The following OGG1 variants were observed in gnomAD, a reference collection of about 807,000 sequenced individuals.
OGG1 encodes 8-oxoguanine DNA glycosylase.
A neutral mutation model predicts 42.3 loss-of-function variants in OGG1; 35 were observed. The observed-to-expected ratio is 0.83, with a 90% CI of 0.63 to 1.10. The LOEUF is 1.10. Ranked by LOEUF, OGG1 falls within the 50% of genes least tolerant of loss-of-function variation. The probability of loss-of-function intolerance (pLI) is 0.00; values close to 1 mark genes in which losing one functional copy is unlikely to be tolerated. For missense variants in OGG1, 484 were observed against 446.7 expected (o/e 1.08, Z -0.75); for synonymous variants, 189 against 179.0 (o/e 1.06, Z -0.44).
At chr3:9,761,140 T>G, downstream of OGG1, 1 of 336,806 alleles carries the variant, frequency 3.0e-6, no homozygotes. Flanking sequence ...TTCTCCACAG[T>G]ATTTATTTTT....
chr3:9,761,118 C>T, downstream of OGG1: 1 of 342,340 alleles, frequency 2.9e-6, no homozygotes. Flanking sequence ...TCTCCCTATT[C>T]CTGCTTGGTT....
At chr3:9,762,530 C>A (rs2077932105) in intron 7 of OGG1, among the ~76,000 whole-genome samples, 1 of 152,154 alleles carries the variant, frequency 6.6e-6, no homozygotes, top group Admixed American at 6.5e-5. Context: ...GCATCTGCCA[C>A]CACGCCGGGC....
chr3:9,789,952 G>A (rs748378547), downstream of OGG1: 1 of 1,596,096 alleles, frequency 6.3e-7, no homozygotes. Context: ...TATCCTGCCA[G>A]TCGGTGAGGA....
chr3:9,752,467 C>G (rs1025084692), intron 3 of OGG1, among the ~76,000 whole-genome samples: 2 of 148,612 alleles, frequency 1.3e-5, no homozygotes, highest in African/African-American at 5.0e-5. Flanking sequence ...CGCAGTGGCT[C>G]ACACCTGGCT....
chr3:9,753,490 A>C (rs2077400814), intron 3 of OGG1, among the ~76,000 whole-genome samples: 1 of 151,896 alleles, frequency 6.6e-6, no homozygotes, highest in South Asian at 2.1e-4. Context: ...GTCTCTACTA[A>C]AAATACAAAA....
Position 9,751,934 on chromosome 3 carries a change from C to T in OGG1, c.550C>T (p.Leu184=), listed in dbSNP as rs1174363828. 6.2e-7 allele frequency: 1 copy of T among 1,614,166 alleles called. No homozygotes were observed. Among genetic ancestry groups the T allele is most frequent in the Non-Finnish European group, 8.5e-7 (1 of 1,180,006 alleles). The change falls in exon 3 of 7, where the codon CTG becomes TTG. Residue 184 remains leucine (L), a synonymous_variant. Coordinates refer to ENST00000344629, the MANE Select transcript of OGG1 (RefSeq NM_002542.6). Reference sequence around the variant, plus strand: ...TGTCACCTACCATGGCTTCCCCAGCCTGCAGGCCCTGGCTGGTGAGTAGGT... The same window carrying T: ...TGTCACCTACCATGGCTTCCCCAGCTTGCAGGCCCTGGCTGGTGAGTAGGT... ...DDVTYHGFPS[L]QALAGPEVEA... is the part of the protein sequence containing the mutation.
intron 3 of OGG1, among the ~76,000 whole-genome samples, chr3:9,786,229 G>A (rs1283437924): frequency 3.3e-5 from 5 of 152,106 alleles, no homozygotes; most frequent in African/African-American, 9.7e-5. Context: ...GTGAGCCACC[G>A]CGCCCGGCCT....
chr3:9,784,315 C>A, intron 3 of OGG1: 2 of 1,427,662 alleles, frequency 1.4e-6, no homozygotes. Flanking sequence ...ACCTGCCTTT[C>A]CCTTTGGGCA....
downstream of OGG1, chr3:9,761,578 T>C (rs1358598566): frequency 6.2e-7 from 1 of 1,613,218 alleles, no homozygotes. Flanking sequence ...ATCTCTGCCC[T>C]TCAACTCCTG....
At chr3:9,764,163 A>G (rs1037051742) in intron 7 of OGG1, among the ~76,000 whole-genome samples, 5 of 152,224 alleles carry the variant, frequency 3.3e-5, no homozygotes, top group Non-Finnish European at 5.9e-5. Flanking sequence ...CTTCATCTAT[A>G]AAATGAAGCC....
At chr3:9,789,678 C>G (rs967454500), downstream of OGG1, 1 of 1,609,284 alleles carries the variant, frequency 6.2e-7, no homozygotes, top group Admixed American at 1.7e-5. Context: ...CCACCAGAAC[C>G]TTGAGGCCCC....
chr3:9,750,089 A>G lies in OGG1; in HGVS notation c.-198A>G, dbSNP rs746959287. 1.0e-5 allele frequency: 7 copies of G among 677,374 alleles called. No individual in the cohort carries two copies. The highest frequency in any genetic ancestry group is 1.7e-5 in the Non-Finnish European group (7 of 409,278). The allele number at this position is 677,374 out of a possible 1,614,324, so 42.0% of individuals were successfully genotyped here. A position where few individuals can be genotyped will look rare whatever the true frequency, so the allele number is the denominator to read the frequency against. On this transcript the variant is annotated 5_prime_UTR_variant, in exon 1 of 7. Transcript: ENST00000344629. ...AGGAAAGCCGGAGAATTGGGGCACG[A>G]AGCGGGGCTTTGATGACCCGCAAAG...
intron 1 of OGG1, 95 bp from the exon 2 acceptor site, chr3:9,750,850 A>G: frequency 7.2e-7 from 1 of 1,393,792 alleles, no homozygotes; most frequent in East Asian, 2.3e-5. Context: ...TACTTGTATT[A>G]GTTTCGTACA....
Position 9,751,799 on chromosome 3 carries a change from G to T in OGG1, c.415G>T (p.Glu139Ter). 6.2e-7 allele frequency: 1 copy of T among 1,614,120 alleles called. No individual in the cohort carries two copies. The highest frequency in any genetic ancestry group is 8.5e-7 in the Non-Finnish European group (1 of 1,180,018). ...GVRLLRQDPIECLFSFICSSN... is the reference protein window; with the variant it reads ...GVRLLRQDPI ...GCGACTGCTGCGACAAGACCCCATC[G>T]AATGCCTTTTCTCTTTTATCTGTTC... is the stretch of plus-strand genomic sequence containing the variant. The change falls in exon 3 of 7, where the codon GAA (glutamate) becomes TAA (stop). Residue 139 changes from glutamate to a stop codon, truncating the protein, a stop_gained. Coordinates refer to ENST00000344629, the MANE Select transcript of OGG1 (RefSeq NM_002542.6). LOFTEE classifies it high-confidence loss of function.
rs372667550 is a variant in OGG1 at position 9,756,771 on chromosome 3, C to G, written c.903C>G (p.Asn301Lys). Residue 301 changes from asparagine to lysine, a missense_variant, in exon 6 of 7, where the codon AAC becomes AAG. Transcript: ENST00000344629. Reference protein sequence around the residue: ...PSPQTNKELGNFFRSLWGPYA... With the variant: ...PSPQTNKELGKFFRSLWGPYA... The stretch of plus-strand genomic sequence containing the variant: ...GTCTCATCACTTCTGATTTAGGAAA[C>G]TTTTTCCGGAGCCTGTGGGGACCTT... 1.9e-6 allele frequency: 3 copies of G among 1,613,996 alleles called. No individual in the cohort carries two copies. Among genetic ancestry groups the G allele is most frequent in the Non-Finnish European group, 2.5e-6 (3 of 1,180,018 alleles).
chr3:9,785,384 G>A (rs779924534), intron 3 of OGG1: 5 of 1,614,066 alleles, frequency 3.1e-6, no homozygotes, highest in Non-Finnish European at 4.2e-6. Flanking sequence ...TCCCAGACAT[G>A]TCAGGAATAG....
chr3:9,750,833 G>A (rs1202577977), intron 1 of OGG1, 112 bp from the exon 2 acceptor site: 7 of 1,273,100 alleles, frequency 5.5e-6, no homozygotes, highest in Admixed American at 1.8e-5. Flanking sequence ...CTGGAAGATA[G>A]CACTGTTACT....
downstream of OGG1, among the ~76,000 whole-genome samples, chr3:9,770,873 C>A (rs1384421917): frequency 2.0e-5 from 3 of 152,046 alleles, no homozygotes; most frequent in Non-Finnish European, 4.4e-5. Context: ...TGCTTGGGAC[C>A]CCACTCCACC....
At chr3:9,754,080 T>C (rs577068436) in intron 3 of OGG1, among the ~76,000 whole-genome samples, 1 of 152,028 alleles carries the variant, frequency 6.6e-6, no homozygotes, top group African/African-American at 2.4e-5. Context: ...GTCAAGGCTG[T>C]AGTGAACTGA....
Sources: gnomAD v4.1 joint callset for allele counts (sites outside exome capture counted in the v4.1 genomes callset) on GRCh38, gnomAD v4.1.1 for gene constraint, MANE v1.5 for transcripts, NCBI Gene and HGNC (gene_info 2026-07-23, HGNC 2026-07-21) for gene names.